The following GATD1 variants were observed in gnomAD, a reference collection of about 807,000 sequenced individuals.
GATD1 encodes glutamine amidotransferase-like class 1 domain-containing protein 1.
A neutral mutation model predicts 25.9 loss-of-function variants in GATD1; 23 were observed. The observed-to-expected ratio is 0.89, with a 90% CI of 0.64 to 1.26. GATD1 has a LOEUF of 1.26. GATD1 is among the 50% of genes most tolerant of loss of function. The pLI is 0.00. For synonymous variants in GATD1, 177 were observed against 134.6 expected, an observed-to-expected ratio of 1.31 and a Z score of -2.18; for missense variants, 347 against 312.5, an observed-to-expected ratio of 1.11 and a Z score of -0.83.
At chr11:775,669 C>A (rs1398287298) in intron 1 of GATD1, among the ~76,000 whole-genome samples, 1 of 152,212 alleles carries the variant, frequency 6.6e-6, no homozygotes, top group Non-Finnish European at 1.5e-5. Context: ...CCCCCCCTCA[C>A]CCCTTCCAGG....
At position 772,448 on chromosome 11, in the gene GATD1, G is replaced by A. The variant is rs749029703; in HGVS notation, c.429C>T (p.Phe143=). The A allele has an allele frequency of 5.6e-6, 9 of 1,613,342 alleles. No individual in the cohort carries two copies. The African/African-American group carries it at 6.7e-5, about 12-fold the overall frequency. Residue 143 remains phenylalanine (F), a synonymous_variant, in exon 5 of 8, where the codon TTC becomes TTT. Coordinates refer to ENST00000319863, the MANE Select transcript of GATD1 (RefSeq NM_182612.4). ...TCACCCCTGTCAGGCTGTAGCTGTCGAACACCCAGGATCTGTCCTCGTTGG... is the reference window on the plus strand; with the variant it reads ...TCACCCCTGTCAGGCTGTAGCTGTCAAACACCCAGGATCTGTCCTCGTTGG... ...CATNEDRSWV[F]DSYSLTGPSV...
rs757912071 is a variant in GATD1, at chr11:771,370, C to T, written c.507G>A (p.Val169=). 7 of 1,589,596 alleles carry T rather than the reference C, an allele frequency of 4.4e-6. No homozygotes were observed. In the South Asian group the frequency reaches 7.9e-5, roughly 18 times the overall value. The change falls in exon 6 of 8, where the codon GTG becomes GTA. Residue 169 remains valine (V), a synonymous_variant. Coordinates refer to ENST00000319863, the MANE Select transcript of GATD1 (RefSeq NM_182612.4). ...APGFARLPLV[V]EDFVKDSGAC... The stretch of plus-strand genomic sequence containing the variant: ...CGCCCGAATCCTTCACGAAGTCCTC[C>T]ACCACGAGCGGCAGGCGGGCGAAGC...
At position 770,854 on chromosome 11, in the gene GATD1, G is replaced by A. The variant is rs879797621; in HGVS notation, c.*43C>T. 6.4e-7 allele frequency: 1 copy of A among 1,573,428 alleles called. No individual in the cohort carries two copies. Among genetic ancestry groups the A allele is most frequent in the Non-Finnish European group, 8.6e-7 (1 of 1,156,456 alleles). ...GAAGCCTGAGACGGGGCTGCCTCTGGAGACACCTGGGCTGTCTCAGGGGGT... is the reference window on the plus strand; with the variant it reads ...GAAGCCTGAGACGGGGCTGCCTCTGAAGACACCTGGGCTGTCTCAGGGGGT... On this transcript the variant is annotated 3_prime_UTR_variant, in exon 8 of 8. Coordinates refer to ENST00000319863, the MANE Select transcript of GATD1 (RefSeq NM_182612.4).
chr11:771,621 T>A (rs762235538), intron 5 of GATD1, among the ~76,000 whole-genome samples, 195 bp from the exon 6 acceptor site: 13 of 152,024 alleles, frequency 8.6e-5, no homozygotes, highest in Non-Finnish European at 1.9e-4. Context: ...CCATGGGGTG[T>A]CCCTGAGAGC....
chr11:773,624 G>C lies in GATD1; in HGVS notation c.253C>G (p.Arg85Gly). 1 of 1,605,220 alleles carries C rather than the reference G, an allele frequency of 6.2e-7. No individual in the cohort carries two copies. The highest frequency in any genetic ancestry group is 1.7e-5 in the Admixed American group (1 of 57,788). ...PAKLESIDGARYHALLIPSCP... is the reference protein window; with the variant it reads ...PAKLESIDGAGYHALLIPSCP... ...CTGGGGATCAGGAGGGCATGGTACC[G>C]GGCACCTGGGGGGAGACCACAAACC... The change falls in exon 4 of 8, where the codon CGG becomes GGG. Residue 85 changes from arginine (R) to glycine (G), a missense_variant. Physicochemically the swap from Arg to Gly is moderately radical, Grantham distance 125. Transcript: ENST00000319863.
rs1249465414 is a variant in GATD1 at position 770,306 on chromosome 11, G to A, written c.*591C>T. The A allele has an allele frequency of 6.5e-7, 1 of 1,529,186 alleles. No individual in the cohort carries two copies. The highest frequency in any genetic ancestry group is 2.0e-5 in the Admixed American group (1 of 49,216). 94.7% of individuals were successfully genotyped at this position (1,529,186 alleles called of 1,614,324 possible). ...GCTTAGGACAGGGTGCATCACTGAG[G>A]TGCTTACACTTTGAAACCACACGCC... On this transcript the variant is annotated 3_prime_UTR_variant, in exon 8 of 8. Coordinates refer to ENST00000319863, the MANE Select transcript of GATD1 (RefSeq NM_182612.4).
Position 773,631 on chromosome 11 carries a change from T to TG in GATD1, c.248-3dup, listed in dbSNP as rs750767840. 3.1e-6 allele frequency: 5 copies of TG among 1,602,398 alleles called. No homozygotes were observed. The highest frequency in any genetic ancestry group is 1.1e-5 in the South Asian group (1 of 89,754). On this transcript the variant is annotated splice_polypyrimidine_tract_variant and splice_region_variant and intron_variant, in intron 3 of 7. Coordinates refer to ENST00000319863, the MANE Select transcript of GATD1 (RefSeq NM_182612.4). ...TCAGGAGGGCATGGTACCGGGCACC[T>TG]GGGGGGAGACCACAAACCAGGTAGC...
chr11:774,109 T>A lies in GATD1; in HGVS notation c.146A>T (p.Lys49Ile). ...FNLQVATPGG[K>I]AMEFVDVTES... The stretch of plus-strand genomic sequence containing the variant: ...AGTCACATCCACAAATTCCATGGCT[T>A]TCCCCTGGAGAAGCAGAGCCCAGGG... The change falls in exon 3 of 8, where the codon AAA (lysine) becomes ATA (isoleucine). Residue 49 changes from lysine (K) to isoleucine (I), a missense_variant. By Grantham distance (102) the Lys-to-Ile change is moderately radical. Transcript: ENST00000319863. The A allele has an allele frequency of 1.2e-6, 2 of 1,612,904 alleles. No individual in the cohort carries two copies. Among genetic ancestry groups the A allele is most frequent in the Non-Finnish European group, 1.7e-6 (2 of 1,179,442 alleles).
rs1391654157 is a variant in GATD1, at chr11:767,395, A to G, written c.*3502T>C. Reference sequence around the variant, plus strand: ...TGCCCTGGCAAAGAGAGAACTGTGCACAGCGGGGAGGCTCTCCAAGCCAGA... The same window carrying G: ...TGCCCTGGCAAAGAGAGAACTGTGCGCAGCGGGGAGGCTCTCCAAGCCAGA... On this transcript the variant is annotated 3_prime_UTR_variant, in exon 8 of 8. Transcript: ENST00000319863. 1.3e-6 allele frequency: 2 copies of G among 1,532,288 alleles called. No homozygotes were observed. Among genetic ancestry groups the G allele is most frequent in the Non-Finnish European group, 1.7e-6 (2 of 1,145,226 alleles). The allele number at this position is 1,532,288 out of a possible 1,614,324, so 94.9% of individuals were successfully genotyped here.
At position 777,450 on chromosome 11, in the gene GATD1, G is replaced by T. The variant is rs927013183; in HGVS notation, c.13C>A (p.Arg5=). The change falls in exon 1 of 8, where the codon CGG becomes AGG. Residue 5 remains arginine, a synonymous_variant. Coordinates refer to ENST00000319863, the MANE Select transcript of GATD1 (RefSeq NM_182612.4). ...AGACAGGCGGGCCTGTTAGGGAGCC[G>T]CTCGGACGCCATGGCTCGGGCTCGG... MASE[R]LPNRPACLLV... The T allele has an allele frequency of 7.2e-6, 9 of 1,250,264 alleles. No individual in the cohort carries two copies. In the African/African-American group the frequency reaches 1.4e-4, roughly 20 times the overall value. 77.4% of individuals were successfully genotyped at this position (1,250,264 alleles called of 1,614,324 possible).
chr11:769,390 G>C lies in GATD1; in HGVS notation c.*1507C>G. 2.8e-6 allele frequency: 2 copies of C among 721,202 alleles called. No homozygotes were observed. Among genetic ancestry groups the C allele is most frequent in the Non-Finnish European group, 3.4e-6 (2 of 589,058 alleles). The allele number at this position is 721,202 out of a possible 1,614,324, so 44.7% of individuals were successfully genotyped here. On this transcript the variant is annotated 3_prime_UTR_variant, in exon 8 of 8. Coordinates refer to ENST00000319863, the MANE Select transcript of GATD1 (RefSeq NM_182612.4). The stretch of plus-strand genomic sequence containing the variant: ...GGTTGGAGTGCAATGGCGCAATCTT[G>C]GCTCACTGCAACTTCCGCCTCCCAG...
intron 3 of GATD1, 73 bp from the exon 4 acceptor site, chr11:773,702 C>A (rs776905517): frequency 2.6e-4 from 311 of 1,173,654 alleles, no homozygotes; most frequent in Non-Finnish European, 3.4e-4. Flanking sequence ...GGCCCGAGTG[C>A]GTGGCCAGGA....
rs1029269765 is a variant in GATD1 at position 770,819 on chromosome 11, CG to C, written c.*77del. 1.9e-6 allele frequency: 3 copies of C among 1,550,078 alleles called. No individual in the cohort carries two copies. Among genetic ancestry groups the C allele is most frequent in the Non-Finnish European group, 8.7e-7 (1 of 1,145,700 alleles). ...AGGGCCCTTGTCAGGAGGGAAGAGGCGGGGTCCCTGAAGCCTGAGACGGGGC... is the reference window on the plus strand; with the variant it reads ...AGGGCCCTTGTCAGGAGGGAAGAGGCGGGTCCCTGAAGCCTGAGACGGGGC... On this transcript the variant is annotated 3_prime_UTR_variant, in exon 8 of 8. Transcript: ENST00000319863.
At chr11:771,230 G>T in intron 6 of GATD1, 103 bp downstream of exon 6, 1 of 1,548,418 alleles carries the variant, frequency 6.5e-7, no homozygotes, top group Non-Finnish European at 8.7e-7. Context: ...AGTGCCATGG[G>T]GGTCTATAGA....
chr11:772,436 G>T lies in GATD1; in HGVS notation c.441C>A (p.Ser147Arg). 6.2e-7 allele frequency: 1 copy of T among 1,613,302 alleles called. No homozygotes were observed. Among genetic ancestry groups the T allele is most frequent in the South Asian group, 1.1e-5 (1 of 91,090 alleles). Residue 147 changes from serine (S) to arginine (R), a missense_variant, in exon 5 of 8, where the codon AGC becomes AGA. By Grantham distance (110) the Ser-to-Arg change is moderately radical. Transcript: ENST00000319863. ...EDRSWVFDSY[S>R]LTGPSVCELV... is the part of the protein sequence containing the mutation. ...GCCTCCAGACACTCACCCCTGTCAG[G>T]CTGTAGCTGTCGAACACCCAGGATC...
Position 770,416 on chromosome 11 carries a change from C to T in GATD1, c.*481G>A, listed in dbSNP as rs1863326713. The T allele has an allele frequency of 6.6e-7, 1 of 1,517,060 alleles. No homozygotes were observed. Among genetic ancestry groups the T allele is most frequent in the African/African-American group, 1.4e-5 (1 of 72,244 alleles). The allele number at this position is 1,517,060 out of a possible 1,614,324, so 94.0% of individuals were successfully genotyped here. On this transcript the variant is annotated 3_prime_UTR_variant, in exon 8 of 8. Coordinates refer to ENST00000319863, the MANE Select transcript of GATD1 (RefSeq NM_182612.4). ...TGCTGCTCCTAAAAAATTCCGTTCA[C>T]CTTTGGCCAAAGTTCTGAGCCAGCT...
At chr11:771,308 T>A in intron 6 of GATD1, 25 bp downstream of exon 6, 1 of 1,604,176 alleles carries the variant, frequency 6.2e-7, no homozygotes, top group Non-Finnish European at 8.5e-7. Context: ...CTTCTGTAAG[T>A]GCAGGGGGCA....
intron 2 of GATD1, 135 bp from the exon 3 acceptor site, chr11:774,248 C>T (rs937948094): frequency 1.5e-6 from 1 of 673,928 alleles, no homozygotes; most frequent in Non-Finnish European, 2.5e-6. Flanking sequence ...ACCCAGCCTC[C>T]TTCACGGGAT....
intron 1 of GATD1, 72 bp downstream of exon 1, chr11:777,327 C>G (rs893042269): frequency 1.3e-5 from 15 of 1,167,398 alleles, no homozygotes; most frequent in Non-Finnish European, 1.5e-5. Context: ...CCCACCGTGT[C>G]CCGAACCTCC....
Sources: allele counts gnomAD v4.1 joint callset (sites outside exome capture counted in the v4.1 genomes callset), GRCh38; gene constraint gnomAD v4.1.1; transcripts MANE v1.5; gene names NCBI Gene and HGNC (gene_info 2026-07-23, HGNC 2026-07-21).